Variants in CDH4 observed in about 807,000 individuals in gnomAD.
CDH4 encodes the protein cadherin-4.
CDH4 carries 33 observed loss-of-function variants against 86.0 expected under a neutral mutation model. The observed-to-expected ratio is 0.38, with a 90% CI of 0.29 to 0.51. The LOEUF (loss-of-function observed/expected upper bound fraction) is 0.51, where lower values mean the gene tolerates loss of function less well. CDH4 is among the 20% of genes least tolerant of loss of function. The pLI, the probability that CDH4 is intolerant of heterozygous loss-of-function variation, is 0.86. For synonymous variants in CDH4, 555 were observed against 549.4 expected, an observed-to-expected ratio of 1.01 and a Z score of -0.14; for missense variants, 1,114 against 1,307.4, an observed-to-expected ratio of 0.85 and a Z score of 2.28.
chr20:61,778,521 T>C (rs948480481), intron 4 of CDH4, among the ~76,000 whole-genome samples: 2 of 152,060 alleles, frequency 1.3e-5, no homozygotes, highest in Non-Finnish European at 2.9e-5. Context: ...AGGAAAGCCC[T>C]GAAAAGCAAA....
chr20:61,883,145 C>A (rs1188008748), intron 7 of CDH4, among the ~76,000 whole-genome samples: 4 of 147,632 alleles, frequency 2.7e-5, no homozygotes, highest in Non-Finnish European at 6.0e-5. Context: ...TGGCTGCTCC[C>A]CCCGCCTACA....
intron 2 of CDH4, among the ~76,000 whole-genome samples, chr20:61,482,799 C>T (rs574530924): frequency 2.6e-5 from 4 of 152,294 alleles, no homozygotes; most frequent in East Asian, 3.9e-4. Context: ...CAACAGCAGC[C>T]GCCGATGGAG....
At chr20:61,332,796 T>C (rs1248385449) in intron 2 of CDH4, among the ~76,000 whole-genome samples, 3 of 152,234 alleles carry the variant, frequency 2.0e-5, no homozygotes, top group African/African-American at 4.8e-5. Context: ...CTGCCCCGGC[T>C]GTGGCGCCAG....
At chr20:61,341,809 G>C (rs903340410) in intron 2 of CDH4, among the ~76,000 whole-genome samples, 2 of 152,184 alleles carry the variant, frequency 1.3e-5, no homozygotes, top group African/African-American at 4.8e-5. Flanking sequence ...CAATGGAGAA[G>C]CTTGGAGAGT....
At chr20:61,891,663 G>A (rs529594761) in intron 7 of CDH4, among the ~76,000 whole-genome samples, 6 of 152,216 alleles carry the variant, frequency 3.9e-5, no homozygotes, top group Admixed American at 6.5e-5. Context: ...ACTGCACTGA[G>A]CCCTGGCCCC....
chr20:61,500,195 T>C (rs2085690827), intron 2 of CDH4, among the ~76,000 whole-genome samples: 1 of 152,168 alleles, frequency 6.6e-6, no homozygotes, highest in African/African-American at 2.4e-5. Context: ...ACTGTTGTGT[T>C]TGTCAAATAA....
chr20:61,614,127 C>G (rs952825974), intron 2 of CDH4, among the ~76,000 whole-genome samples: 2 of 152,038 alleles, frequency 1.3e-5, no homozygotes, highest in Non-Finnish European at 2.9e-5. Context: ...GCAAGTGTTA[C>G]GAGTGTCTCT....
chr20:61,688,955 A>G (rs1169397287), intron 2 of CDH4, among the ~76,000 whole-genome samples: 1 of 152,204 alleles, frequency 6.6e-6, no homozygotes, highest in Non-Finnish European at 1.5e-5. Context: ...ACACACATGT[A>G]TCCTGTATTT....
At chr20:61,253,354 G>A (rs980552648) in intron 1 of CDH4, among the ~76,000 whole-genome samples, 9 of 151,908 alleles carry the variant, frequency 5.9e-5, no homozygotes, top group Non-Finnish European at 1.5e-5. Flanking sequence ...TTTGCTCTGC[G>A]CCTGGCGAGG....
rs545017400 is a variant in CDH4, at chr20:61,519,437, CA to C, written c.170-224125del. On this transcript the variant is annotated intron_variant, in intron 2 of 15. Coordinates refer to ENST00000614565, the MANE Select transcript of CDH4 (RefSeq NM_001794.5). ...AGGTGCCGGCGGGAGGTCCTCTGAT[CA>C]TTCTGTGCAAAAGCCTTTTTGACCA... 2.2e-4 allele frequency among the ~76,000 whole-genome samples: 34 copies of C among 152,356 alleles called. No individual in the cohort carries two copies. In the East Asian group the frequency reaches 6.0e-3, roughly 27 times the overall value.
At position 61,680,341 on chromosome 20, in the gene CDH4, C is replaced by T. The variant is rs1352772921; in HGVS notation, c.170-63222C>T. Among the ~76,000 whole-genome samples the T allele has an allele frequency of 2.6e-5, 4 of 152,204 alleles. No individual in the cohort carries two copies. In the East Asian group the frequency reaches 7.7e-4, roughly 29 times the overall value. ...CGCACTAGGGCTGAGGGGCGCTGGGCTGGGCAAGGCCCAAATGGCCTGATG... is the reference window on the plus strand; with the variant it reads ...CGCACTAGGGCTGAGGGGCGCTGGGTTGGGCAAGGCCCAAATGGCCTGATG... On this transcript the variant is annotated intron_variant, in intron 2 of 15. Coordinates refer to ENST00000614565, the MANE Select transcript of CDH4 (RefSeq NM_001794.5).
intron 6 of CDH4, among the ~76,000 whole-genome samples, chr20:61,855,545 G>A (rs940414319): frequency 7.2e-5 from 11 of 152,182 alleles, no homozygotes; most frequent in Non-Finnish European, 8.8e-5. Context: ...CCTCTCTCCC[G>A]GAGACCCAGG....
At chr20:61,856,351 T>C (rs1345876629) in intron 6 of CDH4, among the ~76,000 whole-genome samples, 9 of 151,710 alleles carry the variant, frequency 5.9e-5, no homozygotes, top group South Asian at 2.1e-4. Flanking sequence ...CCGGGATCCA[T>C]GAGGGTCCTG....
chr20:61,469,374 A>G (rs1317656594), intron 2 of CDH4, among the ~76,000 whole-genome samples: 2 of 152,244 alleles, frequency 1.3e-5, no homozygotes, highest in East Asian at 3.9e-4. Context: ...AGAAATGTCT[A>G]TTCAGACCTT....
rs1383053882 is a variant in CDH4, at chr20:61,652,970, G to A, written c.170-90593G>A. Among the ~76,000 whole-genome samples, 19 of 76,364 alleles carry A rather than the reference G, an allele frequency of 2.5e-4. 2 individuals carry two copies. The South Asian group carries it at 6.5e-3, about 26-fold the overall frequency. 50.1% of individuals were successfully genotyped at this position (76,364 alleles called of 152,430 possible). A position where few individuals can be genotyped will look rare whatever the true frequency, so the allele number is the denominator to read the frequency against. ...TTTTTTTTTTTATTGATCATTCTTG[G>A]GTGTTTCTCGCAGAGGGGGATTTGG... On this transcript the variant is annotated intron_variant, in intron 2 of 15. Transcript: ENST00000614565.
At chr20:61,513,651 T>C (rs1175813292) in intron 2 of CDH4, among the ~76,000 whole-genome samples, 1 of 152,138 alleles carries the variant, frequency 6.6e-6, no homozygotes, top group Non-Finnish European at 1.5e-5. Context: ...CCTCTGAAAA[T>C]TGACCAGTTT....
intron 2 of CDH4, among the ~76,000 whole-genome samples, chr20:61,714,490 G>A (rs1343972294): frequency 2.0e-5 from 3 of 152,054 alleles, no homozygotes; most frequent in African/African-American, 2.4e-5. Flanking sequence ...ATTGTACAGC[G>A]GTGAAGTCTG....
intron 2 of CDH4, among the ~76,000 whole-genome samples, chr20:61,458,817 C>T (rs2085424955): frequency 6.6e-6 from 1 of 151,862 alleles, no homozygotes; most frequent in African/African-American, 2.4e-5. Context: ...TGAGTGAAGC[C>T]CTGGCAGAGT....
Position 61,807,290 on chromosome 20 carries a change from C to G in CDH4, c.576+34108C>G, listed in dbSNP as rs1601008759. Among the ~76,000 whole-genome samples the G allele has an allele frequency of 6.6e-6, 1 of 152,230 alleles. No homozygotes were observed. The highest frequency in any genetic ancestry group is 1.9e-4 in the East Asian group (1 of 5,194). Reference sequence around the variant, plus strand: ...CCAGTCCATGGAGCTGTATTCAGAACCACCAGGGCCAGACCCAGCCTTGCT... The same window carrying G: ...CCAGTCCATGGAGCTGTATTCAGAAGCACCAGGGCCAGACCCAGCCTTGCT... On this transcript the variant is annotated intron_variant, in intron 4 of 15. Transcript: ENST00000614565. This position sits in a 1 kb window ranked among gnomAD's most constrained non-coding sequence, Gnocchi z 4.5.
Sources: allele counts gnomAD v4.1 joint callset (sites outside exome capture counted in the v4.1 genomes callset), GRCh38; gene constraint gnomAD v4.1.1; non-coding constraint Gnocchi (gnomAD v3.1); transcripts MANE v1.5; gene names NCBI Gene and HGNC (gene_info 2026-07-23, HGNC 2026-07-21).